Variants in OR2C1 observed in about 807,000 individuals in gnomAD.
The protein encoded by OR2C1 is olfactory receptor 2C1.
For synonymous variants in OR2C1, 209 were observed against 167.3 expected (o/e 1.25, Z -1.92); for missense variants, 468 against 388.3 (o/e 1.21, Z -1.73).
chr16:3,333,841 A>C, the OR2C1 span, among the ~76,000 whole-genome samples: 1 of 152,152 alleles, frequency 6.6e-6, no homozygotes, highest in Admixed American at 6.6e-5. Context: ...CTTAGATTTA[A>C]GTCTTTAATC....
chr16:3,341,881 T>C, the OR2C1 span, among the ~76,000 whole-genome samples: 1 of 152,166 alleles, frequency 6.6e-6, no homozygotes, highest in Non-Finnish European at 1.5e-5. Context: ...GGGCTGAAAG[T>C]TCCAAGCTTC....
the OR2C1 span, among the ~76,000 whole-genome samples, chr16:3,337,266 T>C: frequency 6.6e-6 from 1 of 152,092 alleles, no homozygotes; most frequent in Non-Finnish European, 1.5e-5. Flanking sequence ...GCAATTCTTA[T>C]GCCTCAGCCT....
At chr16:3,329,169 G>C in the OR2C1 span, among the ~76,000 whole-genome samples, 5 of 115,086 alleles carry the variant, frequency 4.3e-5, no homozygotes, top group African/African-American at 1.8e-4. Flanking sequence ...TGGGAGGGAA[G>C]ACACACACAC....
the OR2C1 span, among the ~76,000 whole-genome samples, chr16:3,336,664 G>C: frequency 4.0e-5 from 3 of 75,332 alleles, no homozygotes; most frequent in African/African-American, 5.7e-5. Context: ...CCCGGCCCTA[G>C]TTTCTTTTTC....
At chr16:3,323,287 C>T in the OR2C1 span, 1 of 880,058 alleles carries the variant, frequency 1.1e-6, no homozygotes, top group African/African-American at 1.6e-5. Flanking sequence ...GCATGATGGA[C>T]CACTGAGAGG....
chr16:3,343,973 C>T, the OR2C1 span, among the ~76,000 whole-genome samples: 1 of 152,188 alleles, frequency 6.6e-6, no homozygotes, highest in Admixed American at 6.5e-5. Context: ...AATCCCAGCA[C>T]TTTGGGAGGC....
At chr16:3,323,669 G>A in the OR2C1 span, 2 of 691,184 alleles carry the variant, frequency 2.9e-6, no homozygotes, top group South Asian at 3.2e-5. Context: ...AAAGGCCAAG[G>A]AATGTTTATC....
chr16:3,333,232 TTTTTTTTTTTTTTTTTGCTA>T, the OR2C1 span, among the ~76,000 whole-genome samples: 1 of 136,260 alleles, frequency 7.3e-6, no homozygotes, highest in African/African-American at 2.7e-5. Flanking sequence ...TTTTTTTTTT[TTTTTTTTTTTTTTTTTGCTA>T]TTGAGTTGTT....
chr16:3,352,135 G>T, upstream of OR2C1, among the ~76,000 whole-genome samples: 2 of 149,972 alleles, frequency 1.3e-5, no homozygotes, highest in African/African-American at 2.5e-5. Context: ...ATTTTTTTTT[G>T]AGACAGAGTC....
At chr16:3,337,813 T>C in the OR2C1 span, among the ~76,000 whole-genome samples, 11 of 124,824 alleles carry the variant, frequency 8.8e-5, no homozygotes, top group Admixed American at 8.6e-4. Context: ...CTTGTGGATG[T>C]CTGTCTGTCT....
At chr16:3,351,232 T>C (rs1272181967), upstream of OR2C1, among the ~76,000 whole-genome samples, 4 of 134,760 alleles carry the variant, frequency 3.0e-5, no homozygotes, top group Non-Finnish European at 6.4e-5. Context: ...TTTTCTTTTT[T>C]TTTTTTTTTT....
At chr16:3,348,555 C>A in the OR2C1 span, among the ~76,000 whole-genome samples, 3 of 152,160 alleles carry the variant, frequency 2.0e-5, no homozygotes, top group African/African-American at 7.2e-5. Flanking sequence ...GACCAGCACA[C>A]AGCACAAGCC....
At chr16:3,330,984 C>T in the OR2C1 span, among the ~76,000 whole-genome samples, 1 of 152,144 alleles carries the variant, frequency 6.6e-6, no homozygotes, top group African/African-American at 2.4e-5. Context: ...AATGGTTGAA[C>T]TAGTTTACAG....
the OR2C1 span, among the ~76,000 whole-genome samples, chr16:3,337,769 C>T: frequency 6.6e-6 from 1 of 152,172 alleles, no homozygotes; most frequent in Non-Finnish European, 1.5e-5. Context: ...TTTGTTCATT[C>T]GTGAAGGTCA....
At chr16:3,333,189 T>C in the OR2C1 span, among the ~76,000 whole-genome samples, 2 of 149,720 alleles carry the variant, frequency 1.3e-5, no homozygotes, top group African/African-American at 2.4e-5. Flanking sequence ...ATTTGAGAAA[T>C]GTGTATTCGG....
downstream of OR2C1, among the ~76,000 whole-genome samples, chr16:3,358,043 T>G (rs1202337416): frequency 6.6e-6 from 1 of 151,942 alleles, no homozygotes; most frequent in Non-Finnish European, 1.5e-5. Context: ...CATCCATATA[T>G]CTCTCCATCA....
At chr16:3,326,157 C>A in the OR2C1 span, among the ~76,000 whole-genome samples, 2 of 151,840 alleles carry the variant, frequency 1.3e-5, no homozygotes, top group Admixed American at 6.6e-5. Context: ...TCTTAAACTC[C>A]AGACCTCGTG....
chr16:3,324,678 C>T, the OR2C1 span, among the ~76,000 whole-genome samples: 1 of 152,110 alleles, frequency 6.6e-6, no homozygotes, highest in Non-Finnish European at 1.5e-5. Context: ...GCCTCGAACT[C>T]CTGGACTCAA....
Position 3,356,820 on chromosome 16 carries a change from A to G in OR2C1, c.880A>G (p.Asn294Asp). Residue 294 changes from asparagine (N) to aspartate (D), a missense_variant, in exon 1 of 1, where the codon AAC (asparagine) becomes GAC (aspartate). Coordinates refer to ENST00000304936, the MANE Select transcript of OR2C1 (RefSeq NM_012368.3). Reference protein sequence around the residue: ...MVNPLIYTLRNMEVKGALRRL... With the variant: ...MVNPLIYTLRDMEVKGALRRL... ...GAATCCCCTCATCTACACGCTGCGG[A>G]ACATGGAAGTGAAGGGCGCACTGAG... is the stretch of plus-strand genomic sequence containing the variant. 1 of 1,613,782 alleles carries G rather than the reference A, an allele frequency of 6.2e-7. No individual in the cohort carries two copies.
Sources: allele counts gnomAD v4.1 joint callset (sites outside exome capture counted in the v4.1 genomes callset), GRCh38; gene constraint gnomAD v4.1.1; transcripts MANE v1.5; gene names NCBI Gene and HGNC (gene_info 2026-07-23, HGNC 2026-07-21).